OPCML: variants seen among roughly 807,000 people sequenced by gnomAD.
OPCML encodes the protein opioid-binding protein/cell adhesion molecule.
Under a neutral mutation model 37.8 loss-of-function variants are expected in OPCML, and 13 were observed. That is an observed-to-expected ratio of 0.34 (90% CI 0.22 to 0.55). The LOEUF is 0.55. Ranked by LOEUF, OPCML falls within the 20% of genes least tolerant of loss-of-function variation. The pLI, the probability that OPCML is intolerant of heterozygous loss-of-function variation, is 0.91. For synonymous variants in OPCML, 176 were observed against 168.8 expected, an observed-to-expected ratio of 1.04 and a Z score of -0.33; for missense variants, 341 against 435.6, an observed-to-expected ratio of 0.78 and a Z score of 1.93.
At chr11:133,138,866 C>G (rs114146004) in intron 1 of OPCML, among the ~76,000 whole-genome samples, 1 of 152,096 alleles carries the variant, frequency 6.6e-6, no homozygotes, top group Non-Finnish European at 1.5e-5. Flanking sequence ...AAGCATTGCC[C>G]GGAATGCTTG....
chr11:132,529,742 A>G (rs910564424), intron 3 of OPCML, among the ~76,000 whole-genome samples: 19 of 152,270 alleles, frequency 1.2e-4, no homozygotes, highest in African/African-American at 3.6e-4. Context: ...AAAATCCCCA[A>G]TCATCCCTTA....
chr11:133,099,442 C>CTTTTTTTTTTTT (rs35161811), intron 1 of OPCML, among the ~76,000 whole-genome samples: 10 of 119,476 alleles, frequency 8.4e-5, no homozygotes, highest in South Asian at 2.6e-4. Context: ...TTCTTTTTTT[C>CTTTTTTTTTTTT]TTTTTTTTTT....
chr11:133,208,212 A>T lies in OPCML; in HGVS notation c.62-265202T>A, dbSNP rs2136334755. On this transcript the variant is annotated intron_variant, in intron 1 of 7. Transcript: ENST00000524381. This position sits in a 1 kb window ranked among gnomAD's most constrained non-coding sequence, Gnocchi z 8.9. ...ATCTTGCTCACCATTTATCTCAAGC[A>T]TTTAGCTTATTGCTTAGCACATTGT... Among the ~76,000 whole-genome samples, 1 of 152,280 alleles carries T rather than the reference A, an allele frequency of 6.6e-6. No individual in the cohort carries two copies. The highest frequency in any genetic ancestry group is 2.4e-5 in the African/African-American group (1 of 41,552).
chr11:132,533,265 C>T lies in OPCML; in HGVS notation c.380-4079G>A, dbSNP rs1042328879. Among the ~76,000 whole-genome samples, 3 of 152,110 alleles carry T rather than the reference C, an allele frequency of 2.0e-5. No homozygotes were observed. The South Asian group carries it at 6.2e-4, about 32-fold the overall frequency. ...CAATAGGGCCTTTGCATAGATTGTGCAGAGGGTTCAATGCACAACTACGGT... is the reference window on the plus strand; with the variant it reads ...CAATAGGGCCTTTGCATAGATTGTGTAGAGGGTTCAATGCACAACTACGGT... On this transcript the variant is annotated intron_variant, in intron 3 of 7. Coordinates refer to ENST00000524381, the MANE Select transcript of OPCML (RefSeq NM_001012393.5).
chr11:132,657,080 G>A lies in OPCML; in HGVS notation c.379+7C>T, dbSNP rs1941743825. On this transcript the variant is annotated splice_region_variant and intron_variant, in intron 3 of 7. Transcript: ENST00000524381. ...GAATGGCAACCCCAGATCCAGCTGGGACTTACCTTGCACTATTAGGTGAAC... is the reference window on the plus strand; with the variant it reads ...GAATGGCAACCCCAGATCCAGCTGGAACTTACCTTGCACTATTAGGTGAAC... 1 of 1,613,370 alleles carries A rather than the reference G, an allele frequency of 6.2e-7. No individual in the cohort carries two copies. The highest frequency in any genetic ancestry group is 8.5e-7 in the Non-Finnish European group (1 of 1,179,406).
chr11:133,351,971 T>C (rs1303351715), intron 1 of OPCML, among the ~76,000 whole-genome samples: 9 of 152,210 alleles, frequency 5.9e-5, no homozygotes, highest in African/African-American at 2.2e-4. Context: ...ATCTCAACTC[T>C]TCATTTCCTG....
chr11:133,372,351 T>A (rs1281566035), intron 1 of OPCML, among the ~76,000 whole-genome samples: 2 of 152,206 alleles, frequency 1.3e-5, no homozygotes, highest in Non-Finnish European at 2.9e-5. Flanking sequence ...TTTGTTCAAG[T>A]TACTTAGTCT....
intron 1 of OPCML, among the ~76,000 whole-genome samples, chr11:133,029,017 A>T (rs1478217794): frequency 6.6e-6 from 1 of 152,250 alleles, no homozygotes; most frequent in Non-Finnish European, 1.5e-5. Context: ...CAACTTAACA[A>T]GCAAAAAGCA....
intron 1 of OPCML, among the ~76,000 whole-genome samples, chr11:133,275,207 C>A (rs1565543160): frequency 6.6e-6 from 1 of 151,730 alleles, no homozygotes; most frequent in Non-Finnish European, 1.5e-5. Context: ...CTTTTTTTCT[C>A]AAAAAAATAT....
intron 1 of OPCML, among the ~76,000 whole-genome samples, chr11:133,130,072 G>A (rs942770468): frequency 2.0e-4 from 31 of 151,662 alleles, no homozygotes; most frequent in Admixed American, 1.8e-3. Context: ...TATTCCATAC[G>A]TTCAAATAGT....
At chr11:132,763,791 C>T (rs1039719008) in intron 2 of OPCML, among the ~76,000 whole-genome samples, 3 of 152,208 alleles carry the variant, frequency 2.0e-5, no homozygotes, top group African/African-American at 7.2e-5. Flanking sequence ...GCTGTCACTC[C>T]TCGGAAGGTG....
chr11:132,840,722 T>C (rs1183018864), intron 2 of OPCML, among the ~76,000 whole-genome samples: 1 of 152,206 alleles, frequency 6.6e-6, no homozygotes, highest in African/African-American at 2.4e-5. Flanking sequence ...CATTCGCTTT[T>C]ATAATTTTAT....
At chr11:132,901,970 C>T (rs1944077786) in intron 2 of OPCML, among the ~76,000 whole-genome samples, 1 of 152,112 alleles carries the variant, frequency 6.6e-6, no homozygotes, top group South Asian at 2.1e-4. Context: ...ATGATGAACT[C>T]CCCCCACCAC....
chr11:132,734,832 A>C (rs138154157), intron 2 of OPCML, among the ~76,000 whole-genome samples: 2 of 152,348 alleles, frequency 1.3e-5, no homozygotes, highest in East Asian at 1.9e-4. Flanking sequence ...AATAAGTTTA[A>C]AGAGACTGGT....
At chr11:133,124,085 GA>G (rs2137120542) in intron 1 of OPCML, among the ~76,000 whole-genome samples, 1 of 152,076 alleles carries the variant, frequency 6.6e-6, no homozygotes, top group South Asian at 2.1e-4. Context: ...GTACCCAATG[GA>G]GAGAAGGAAA....
chr11:132,487,730 A>G (rs1241395107), intron 4 of OPCML, among the ~76,000 whole-genome samples: 4 of 152,190 alleles, frequency 2.6e-5, no homozygotes, highest in Non-Finnish European at 5.9e-5. Flanking sequence ...GAGTTGGAAG[A>G]TATCTCAGCA....
At chr11:132,938,565 C>A (rs1057429353) in intron 2 of OPCML, among the ~76,000 whole-genome samples, 1 of 152,174 alleles carries the variant, frequency 6.6e-6, no homozygotes, top group Admixed American at 6.5e-5. Context: ...GCTCACAGAA[C>A]AACCCATATA....
intron 1 of OPCML, among the ~76,000 whole-genome samples, chr11:133,182,204 C>T (rs991532218): frequency 4.6e-5 from 7 of 152,218 alleles, no homozygotes; most frequent in Admixed American, 1.3e-4. Flanking sequence ...TAAAAGAAGT[C>T]TTCCTTTGCA....
chr11:133,120,427 A>G (rs1565457407), intron 1 of OPCML, among the ~76,000 whole-genome samples: 1 of 152,206 alleles, frequency 6.6e-6, no homozygotes, highest in South Asian at 2.1e-4. Context: ...TTGGAAACAT[A>G]CAAGAGCTAA....
Sources: gnomAD v4.1 joint callset for allele counts (sites outside exome capture counted in the v4.1 genomes callset) on GRCh38, gnomAD v4.1.1 for gene constraint, Gnocchi (gnomAD v3.1) non-coding constraint, MANE v1.5 for transcripts, NCBI Gene and HGNC (gene_info 2026-07-23, HGNC 2026-07-21) for gene names.